The following NHSL2 variants were observed in gnomAD, a reference collection of about 807,000 sequenced individuals.
The protein encoded by NHSL2 is NHS-like protein 2.
In NHSL2, 27 loss-of-function variants were observed where a neutral mutation model predicts 53.4. That is an observed-to-expected ratio of 0.51 (90% CI 0.37 to 0.70). The LOEUF is 0.70. Ranked by LOEUF, NHSL2 falls within the 30% of genes least tolerant of loss-of-function variation. The probability of loss-of-function intolerance (pLI) is 0.00; values close to 1 mark genes in which losing one functional copy is unlikely to be tolerated. For synonymous variants in NHSL2, 408 were observed against 404.1 expected, an observed-to-expected ratio of 1.01 and a Z score of -0.12; for missense variants, 892 against 980.1, an observed-to-expected ratio of 0.91 and a Z score of 1.20.
At chrX:72,097,937 GA>G (rs1257241520) in intron 1 of NHSL2, among the ~76,000 whole-genome samples, 2 of 112,330 alleles carry the variant, frequency 1.8e-5, no homozygotes, top group Admixed American at 9.4e-5. Context: ...AACCAGGAAA[GA>G]AAAAAACACA....
intron 1 of NHSL2, among the ~76,000 whole-genome samples, chrX:72,106,791 A>G (rs2042044903): frequency 2.7e-5 from 3 of 111,997 alleles, no homozygotes. Flanking sequence ...CCATAAAAAC[A>G]AATGAGTTCA....
intron 1 of NHSL2, among the ~76,000 whole-genome samples, chrX:71,998,645 T>G (rs753152202): frequency 8.9e-6 from 1 of 111,795 alleles, no homozygotes; most frequent in Non-Finnish European, 1.9e-5. Flanking sequence ...GTTCTGGCAT[T>G]AGTTGTCCTC....
chrX:72,041,987 G>T (rs1011542017), intron 1 of NHSL2, among the ~76,000 whole-genome samples: 1 of 111,921 alleles, frequency 8.9e-6, no homozygotes, highest in Admixed American at 9.4e-5. Flanking sequence ...GCAACCCTCA[G>T]GTCTGGGTTT....
chrX:71,955,779 G>A (rs1445195614), intron 1 of NHSL2, among the ~76,000 whole-genome samples: 3 of 109,303 alleles, frequency 2.7e-5, no homozygotes, highest in African/African-American at 1.0e-4. Flanking sequence ...GGAAGCTTTC[G>A]AATGACTTAA....
chrX:72,014,925 C>T (rs1218373372), intron 1 of NHSL2, among the ~76,000 whole-genome samples: 1 of 110,201 alleles, frequency 9.1e-6, no homozygotes, highest in African/African-American at 3.3e-5. Context: ...CTGGTTATAG[C>T]TTAGCAAGGG....
At chrX:71,991,314 A>G (rs1054947370) in intron 1 of NHSL2, among the ~76,000 whole-genome samples, 1 of 112,610 alleles carries the variant, frequency 8.9e-6, no homozygotes, top group East Asian at 2.8e-4. Flanking sequence ...GCCTAAAGGC[A>G]TTTACATTTG....
In NHSL2 at chrX:72,004,494, C is replaced by T. The variant is rs779400985; in HGVS notation, c.280+93127C>T. Among the ~76,000 whole-genome samples, 7 of 111,701 alleles carry T rather than the reference C, an allele frequency of 6.3e-5. No homozygotes were observed. The East Asian group carries it at 1.7e-3, about 27-fold the overall frequency. On this transcript the variant is annotated intron_variant, in intron 1 of 7. Coordinates refer to ENST00000633930, the MANE Select transcript of NHSL2 (RefSeq NM_001013627.3). ...TTTCCGGAGCGGAGAGGGATGGCCA[C>T]GGCTTGCTCCAGGAGTGGGGAGGGG...
intron 1 of NHSL2, among the ~76,000 whole-genome samples, chrX:72,112,006 G>A (rs2042097744): frequency 9.0e-6 from 1 of 110,635 alleles, no homozygotes; most frequent in Non-Finnish European, 1.9e-5. Flanking sequence ...AGCAAGATCA[G>A]GGGTCTATCT....
intron 1 of NHSL2, among the ~76,000 whole-genome samples, chrX:72,110,588 C>T (rs2042083108): frequency 1.8e-5 from 2 of 109,553 alleles, no homozygotes; most frequent in South Asian, 4.0e-4. Flanking sequence ...AACCCAACCC[C>T]AGCCCCGGGA....
intron 1 of NHSL2, among the ~76,000 whole-genome samples, chrX:71,951,007 C>CACACACACACACACACAA (rs1775291950): frequency 9.5e-6 from 1 of 104,954 alleles, no homozygotes; most frequent in Non-Finnish European, 2.0e-5. Flanking sequence ...ATACAAAATA[C>CACACACACACACACACAA]ACACACACAC....
intron 1 of NHSL2, among the ~76,000 whole-genome samples, chrX:71,944,000 G>C (rs2041781037): frequency 1.8e-5 from 2 of 111,833 alleles, no homozygotes; most frequent in Middle Eastern, 4.6e-3. Context: ...GCTTTGTCCT[G>C]TTATTTGGGA....
rs773228630 is a variant in NHSL2, at chrX:71,987,067, T to C, written c.280+75700T>C. 1.3e-4 allele frequency among the ~76,000 whole-genome samples: 15 copies of C among 111,531 alleles called. No individual in the cohort carries two copies. The South Asian group carries it at 5.7e-3, about 42-fold the overall frequency. On this transcript the variant is annotated intron_variant, in intron 1 of 7. Transcript: ENST00000633930. ...TGCATGTAAAACTGTTTCTTTAAGCTGGGCGCGGTGACTCACGCCTGTAAT... is the reference window on the plus strand; with the variant it reads ...TGCATGTAAAACTGTTTCTTTAAGCCGGGCGCGGTGACTCACGCCTGTAAT...
At chrX:72,030,650 T>C (rs1569473710) in intron 1 of NHSL2, among the ~76,000 whole-genome samples, 1 of 112,083 alleles carries the variant, frequency 8.9e-6, no homozygotes. Context: ...ATCAGTGGCA[T>C]GCTGGTAAAT....
chrX:72,088,343 C>G (rs1396656043), intron 1 of NHSL2, among the ~76,000 whole-genome samples: 1 of 112,587 alleles, frequency 8.9e-6, no homozygotes, highest in Admixed American at 9.4e-5. Context: ...AGACAAAAAT[C>G]ATTTGCAACT....
At chrX:72,085,153 T>G (rs2041826283) in intron 1 of NHSL2, among the ~76,000 whole-genome samples, 1 of 111,551 alleles carries the variant, frequency 9.0e-6, no homozygotes, top group Non-Finnish European at 1.9e-5. Flanking sequence ...AGGGTTTGCT[T>G]TAGACCTCAC....
intron 6 of NHSL2, among the ~76,000 whole-genome samples, chrX:72,142,002 A>G (rs1012431985): frequency 1.8e-5 from 2 of 111,731 alleles, no homozygotes; most frequent in African/African-American, 6.5e-5. Flanking sequence ...TATAATGACA[A>G]AGACATGACA....
chrX:72,037,442 A>C (rs758575968), intron 1 of NHSL2, among the ~76,000 whole-genome samples: 33 of 111,024 alleles, frequency 3.0e-4, no homozygotes, highest in African/African-American at 9.5e-4. Flanking sequence ...AGAAAAAAAA[A>C]CATGTAGGAT....
chrX:72,079,725 A>C (rs1031668747), intron 1 of NHSL2: 11 of 112,983 alleles, frequency 9.7e-5, no homozygotes, highest in African/African-American at 3.5e-4. Context: ...AGGGGCCTGC[A>C]CAGTGACAAT....
chrX:72,070,568 C>T (rs1212432403), intron 1 of NHSL2, among the ~76,000 whole-genome samples: 1 of 111,626 alleles, frequency 9.0e-6, no homozygotes, highest in African/African-American at 3.3e-5. Flanking sequence ...TCCATTCACC[C>T]ATTTCCACCA....
Sources: allele counts gnomAD v4.1 joint callset (sites outside exome capture counted in the v4.1 genomes callset), GRCh38; gene constraint gnomAD v4.1.1; transcripts MANE v1.5; gene names NCBI Gene and HGNC (gene_info 2026-07-23, HGNC 2026-07-21).